Variants in NTM observed in about 807,000 individuals in gnomAD.
The protein encoded by NTM is IgLON family member 2.
In NTM, 13 loss-of-function variants were observed where a neutral mutation model predicts 42.1. The observed-to-expected ratio is 0.31, with a 90% CI of 0.20 to 0.49. The LOEUF is 0.49. NTM is among the 20% of genes least tolerant of loss of function. The pLI is 0.99. For synonymous variants in NTM, 187 were observed against 179.2 expected (o/e 1.04, Z -0.35); for missense variants, 373 against 452.8 (o/e 0.82, Z 1.60).
intron 2 of NTM, among the ~76,000 whole-genome samples, chr11:132,095,532 C>G (rs2060866671): frequency 6.6e-6 from 1 of 152,174 alleles, no homozygotes; most frequent in Non-Finnish European, 1.5e-5. Flanking sequence ...GGAATTCATT[C>G]TGATTGAGAG....
chr11:131,636,777 T>A (rs1194459600), intron 1 of NTM, among the ~76,000 whole-genome samples: 1 of 152,168 alleles, frequency 6.6e-6, no homozygotes, highest in Admixed American at 6.5e-5. Flanking sequence ...CATTCCCACG[T>A]AAAATAGAGA....
intron 1 of NTM, 67 bp from the exon 2 acceptor site, chr11:131,911,497 T>C (rs771706811): frequency 6.2e-7 from 1 of 1,614,116 alleles, no homozygotes; most frequent in Non-Finnish European, 8.5e-7. Flanking sequence ...GGTCTGTGGG[T>C]ACCTGTTCCT....
intron 1 of NTM, among the ~76,000 whole-genome samples, chr11:131,893,279 G>C (rs572885022): frequency 6.6e-6 from 1 of 152,262 alleles, no homozygotes; most frequent in Admixed American, 6.5e-5. Flanking sequence ...AGGAGCAGAG[G>C]GGGAGCCAGA....
At position 131,998,607 on chromosome 11, in the gene NTM, A is replaced by G. The variant is rs188290902; in HGVS notation, c.167+86959A>G. On this transcript the variant is annotated intron_variant, in intron 2 of 8. Transcript: ENST00000683400. ...CCAGATTGACTTATTTTTCAATTCA[A>G]TTGTTAGAGAGACACAATCTCATAC... 2.4e-3 allele frequency among the ~76,000 whole-genome samples: 359 copies of G among 152,224 alleles called. 1 individual carries two copies. The highest frequency in any genetic ancestry group is 3.6e-3 in the Non-Finnish European group (243 of 68,014).
At chr11:132,016,640 A>G (rs1013180509) in intron 2 of NTM, among the ~76,000 whole-genome samples, 5 of 151,970 alleles carry the variant, frequency 3.3e-5, no homozygotes, top group African/African-American at 1.2e-4. Flanking sequence ...GTATGTTTTC[A>G]TTTACATTGT....
intron 3 of NTM, among the ~76,000 whole-genome samples, chr11:132,178,592 T>G (rs1307706582): frequency 6.6e-6 from 1 of 152,212 alleles, no homozygotes; most frequent in African/African-American, 2.4e-5. Context: ...AGACAGCCTT[T>G]TCAAATGTAA....
At chr11:132,260,957 G>C (rs1326440365) in intron 4 of NTM, among the ~76,000 whole-genome samples, 1 of 152,166 alleles carries the variant, frequency 6.6e-6, no homozygotes, top group Non-Finnish European at 1.5e-5. Context: ...CAGAGCCGTT[G>C]GCAGCTCAGA....
chr11:131,952,746 A>T (rs2134377418), intron 2 of NTM, among the ~76,000 whole-genome samples: 1 of 152,334 alleles, frequency 6.6e-6, no homozygotes, highest in African/African-American at 2.4e-5. Context: ...GAAATTTATT[A>T]CTCCAACACA....
At chr11:131,740,063 A>C (rs1420561006) in intron 1 of NTM, among the ~76,000 whole-genome samples, 1 of 152,220 alleles carries the variant, frequency 6.6e-6, no homozygotes, top group East Asian at 1.9e-4. Context: ...ATTGCTGAGT[A>C]AGTTACTTTG....
chr11:131,505,089 C>G (rs1046100537), intron 1 of NTM, among the ~76,000 whole-genome samples: 9 of 140,922 alleles, frequency 6.4e-5, no homozygotes, highest in African/African-American at 2.2e-4. Flanking sequence ...TTCTACTTGA[C>G]CATTGGGAAG....
intron 2 of NTM, among the ~76,000 whole-genome samples, chr11:132,081,619 C>T (rs1457826964): frequency 6.6e-6 from 1 of 151,576 alleles, no homozygotes. Flanking sequence ...GTAGTCCCAG[C>T]TACTTGGGAG....
At chr11:131,382,490 A>T (rs747118984) in intron 1 of NTM, among the ~76,000 whole-genome samples, 20 of 152,048 alleles carry the variant, frequency 1.3e-4, no homozygotes, top group Non-Finnish European at 2.8e-4. Context: ...AGTTATCATC[A>T]CTTGTGAAAA....
intron 1 of NTM, among the ~76,000 whole-genome samples, chr11:131,702,944 A>AT (rs1037996969): frequency 3.3e-5 from 5 of 152,304 alleles, no homozygotes; most frequent in East Asian, 1.9e-4. Flanking sequence ...ACAATATAGG[A>AT]TTTTTTTGTA....
intron 1 of NTM, among the ~76,000 whole-genome samples, chr11:131,627,408 G>T (rs2063225261): frequency 6.6e-6 from 1 of 152,016 alleles, no homozygotes; most frequent in South Asian, 2.1e-4. Context: ...CAAGATAAAG[G>T]CAAACGTAAT....
intron 2 of NTM, among the ~76,000 whole-genome samples, chr11:131,983,842 C>T (rs2065652594): frequency 6.6e-6 from 1 of 152,172 alleles, no homozygotes; most frequent in South Asian, 2.1e-4. Context: ...AAGGCTCTGC[C>T]ATCTTGAACA....
chr11:131,557,409 G>T, intron 1 of NTM, among the ~76,000 whole-genome samples: 1 of 152,304 alleles, frequency 6.6e-6, no homozygotes, highest in Middle Eastern at 3.4e-3. Context: ...AAGTAGAGAC[G>T]TGGACAAGAG....
chr11:132,008,223 C>T (rs1165083823), intron 2 of NTM, among the ~76,000 whole-genome samples: 3 of 152,072 alleles, frequency 2.0e-5, no homozygotes, highest in Admixed American at 6.5e-5. Context: ...CTTTACCCCT[C>T]GCCACTTATG....
rs996859843 is a variant in NTM, at chr11:132,008,010, G to A, written c.167+96362G>A. On this transcript the variant is annotated intron_variant, in intron 2 of 8. Transcript: ENST00000683400. ...GAAAGGAAAATGTTAGGTGGGCGTT[G>A]CTTCGATTTTAGAATAAGCCTTATA... Among the ~76,000 whole-genome samples the A allele has an allele frequency of 3.7e-4, 56 of 152,240 alleles. 1 individual carries two copies. The highest frequency in any genetic ancestry group is 2.1e-4 in the South Asian group (1 of 4,818).
intron 1 of NTM, among the ~76,000 whole-genome samples, chr11:131,475,321 G>A (rs2121955): frequency 0.13 from 19,084 of 152,172 alleles, 1,289 homozygotes; most frequent in Non-Finnish European, 0.16. Flanking sequence ...TTATTCCTCT[G>A]ATTTTCTTTG....
Sources: gnomAD v4.1 joint callset for allele counts (sites outside exome capture counted in the v4.1 genomes callset) on GRCh38, gnomAD v4.1.1 for gene constraint, MANE v1.5 for transcripts, NCBI Gene and HGNC (gene_info 2026-07-23, HGNC 2026-07-21) for gene names.